PLPPR1: variants seen among roughly 807,000 people sequenced by gnomAD.
PLPPR1 encodes phospholipid phosphatase related 1.
Under a neutral mutation model 33.1 loss-of-function variants are expected in PLPPR1, and 10 were observed. The observed-to-expected ratio is 0.30, with a 90% CI of 0.19 to 0.51. The LOEUF is 0.51. Ranked by LOEUF, PLPPR1 falls within the 20% of genes least tolerant of loss-of-function variation. PLPPR1 has a pLI of 0.97. For synonymous variants in PLPPR1, 151 were observed against 151.0 expected (o/e 1.00, Z 0.00); for missense variants, 304 against 408.1 (o/e 0.74, Z 2.20).
At chr9:101,286,411 A>G (rs1227264604) in intron 4 of PLPPR1, among the ~76,000 whole-genome samples, 175 bp downstream of exon 4, 1 of 152,124 alleles carries the variant, frequency 6.6e-6, no homozygotes. Context: ...TACTTCTTAA[A>G]TTGTCTTATG....
At chr9:101,252,044 C>T (rs2118866813) in intron 2 of PLPPR1, among the ~76,000 whole-genome samples, 1 of 152,174 alleles carries the variant, frequency 6.6e-6, no homozygotes. Context: ...TTACAATATT[C>T]TATAGAAAAG....
intron 3 of PLPPR1, among the ~76,000 whole-genome samples, chr9:101,271,367 G>A (rs7034058): frequency 0.39 from 59,257 of 151,962 alleles, 11,514 homozygotes; most frequent in Middle Eastern, 0.44. Flanking sequence ...CAGGAACAGG[G>A]AAACAAAAAA....
chr9:101,229,277 T>C (rs1402941519), intron 2 of PLPPR1, among the ~76,000 whole-genome samples: 2 of 152,148 alleles, frequency 1.3e-5, no homozygotes, highest in African/African-American at 4.8e-5. Flanking sequence ...ATTTTGCATC[T>C]TATTAAATTT....
At chr9:101,043,480 TACACATAC>T (rs1483637500) in intron 1 of PLPPR1, among the ~76,000 whole-genome samples, 2 of 151,820 alleles carry the variant, frequency 1.3e-5, no homozygotes, top group Non-Finnish European at 2.9e-5. Flanking sequence ...TATATACATA[TACACATAC>T]ATATATACAT....
intron 2 of PLPPR1, among the ~76,000 whole-genome samples, chr9:101,228,640 T>C (rs950485291): frequency 3.3e-5 from 5 of 152,250 alleles, no homozygotes; most frequent in African/African-American, 4.8e-5. Flanking sequence ...CAGAGGTTGA[T>C]AGTAAATTCC....
intron 1 of PLPPR1, among the ~76,000 whole-genome samples, chr9:101,090,820 G>A (rs1830733013): frequency 6.6e-6 from 1 of 152,098 alleles, no homozygotes; most frequent in Non-Finnish European, 1.5e-5. Context: ...TTGCATGGCT[G>A]TGCCTTTCTG....
At chr9:101,171,879 C>T (rs183426800) in intron 1 of PLPPR1, among the ~76,000 whole-genome samples, 16 of 152,254 alleles carry the variant, frequency 1.1e-4, no homozygotes, top group Admixed American at 6.5e-5. Flanking sequence ...ACTGAGGAAA[C>T]GAATGCCTAT....
intron 1 of PLPPR1, among the ~76,000 whole-genome samples, chr9:101,145,868 T>C (rs111995133): frequency 0.019 from 2,325 of 125,558 alleles, 68 homozygotes; most frequent in African/African-American, 0.067. Flanking sequence ...AAAATGAAAA[T>C]AGCCAAATAT....
At chr9:101,270,983 G>C (rs899936157) in intron 3 of PLPPR1, among the ~76,000 whole-genome samples, 7 of 152,150 alleles carry the variant, frequency 4.6e-5, no homozygotes, top group African/African-American at 1.7e-4. Context: ...TAGATATTCA[G>C]TTCGAATATT....
intron 2 of PLPPR1, among the ~76,000 whole-genome samples, chr9:101,247,341 C>G (rs1004465325): frequency 3.9e-5 from 6 of 152,056 alleles, no homozygotes; most frequent in Non-Finnish European, 7.4e-5. Context: ...GCAACTCCAG[C>G]AGCCTTCCTC....
At chr9:101,183,305 A>G (rs576947388) in intron 1 of PLPPR1, among the ~76,000 whole-genome samples, 26 of 151,978 alleles carry the variant, frequency 1.7e-4, no homozygotes, top group African/African-American at 6.3e-4. Context: ...ATAGCCATAC[A>G]ATGGAATATT....
intron 2 of PLPPR1, chr9:101,187,807 TAA>T (rs1338060340): frequency 4.6e-5 from 7 of 152,032 alleles, no homozygotes; most frequent in Middle Eastern, 3.4e-3. Context: ...GACAAAATCT[TAA>T]AGTTTTGTCA....
intron 1 of PLPPR1, among the ~76,000 whole-genome samples, chr9:101,054,045 A>G (rs1335519124): frequency 2.0e-5 from 3 of 151,968 alleles, no homozygotes; most frequent in South Asian, 2.1e-4. Flanking sequence ...TTAGCTGGGC[A>G]TGGTGGCACA....
chr9:101,183,503 G>C (rs1381910441), intron 1 of PLPPR1, among the ~76,000 whole-genome samples: 2 of 151,702 alleles, frequency 1.3e-5, no homozygotes, highest in Non-Finnish European at 3.0e-5. Context: ...ATATGGTGAA[G>C]GAGTTGATGG....
chr9:101,161,484 C>G lies in PLPPR1; in HGVS notation c.-45-23966C>G, dbSNP rs73656174. Among the ~76,000 whole-genome samples, 910 of 151,998 alleles carry G rather than the reference C, an allele frequency of 6.0e-3. 11 individuals are homozygous for G. Among genetic ancestry groups the G allele is most frequent in the African/African-American group, 0.021 (850 of 41,446 alleles). ...CCACATTAACAAACTAGATTTGTACCCTTGCACTAAGGCTTACTTGTCTGA... is the reference window on the plus strand; with the variant it reads ...CCACATTAACAAACTAGATTTGTACGCTTGCACTAAGGCTTACTTGTCTGA... On this transcript the variant is annotated intron_variant, in intron 1 of 7. Transcript: ENST00000374874.
intron 4 of PLPPR1, among the ~76,000 whole-genome samples, chr9:101,295,350 C>G (rs1828603132): frequency 6.6e-6 from 1 of 151,624 alleles, no homozygotes; most frequent in Non-Finnish European, 1.5e-5. Flanking sequence ...TAGGAAGAAT[C>G]AATATCGTGA....
intron 1 of PLPPR1, among the ~76,000 whole-genome samples, chr9:101,139,584 TCAGATAAGATGC>T (rs1831422511): frequency 6.6e-6 from 1 of 152,104 alleles, no homozygotes; most frequent in African/African-American, 2.4e-5. Context: ...GAGGAGGTAG[TCAGATAAGATGC>T]CAGGGAGTGA....
chr9:101,041,177 G>T (rs1830074234), intron 1 of PLPPR1, among the ~76,000 whole-genome samples: 1 of 152,190 alleles, frequency 6.6e-6, no homozygotes, highest in Non-Finnish European at 1.5e-5. Flanking sequence ...ATATGCCAGA[G>T]AGCTTACTTA....
intron 1 of PLPPR1, among the ~76,000 whole-genome samples, chr9:101,138,437 G>T (rs1422596570): frequency 6.6e-6 from 1 of 152,106 alleles, no homozygotes; most frequent in African/African-American, 2.4e-5. Flanking sequence ...AAGAATTAAT[G>T]AATTTAAAGG....
Sources: gnomAD v4.1 joint callset for allele counts (sites outside exome capture counted in the v4.1 genomes callset) on GRCh38, gnomAD v4.1.1 for gene constraint, MANE v1.5 for transcripts, NCBI Gene and HGNC (gene_info 2026-07-23, HGNC 2026-07-21) for gene names.